Variants in GNG7 observed in about 807,000 individuals in gnomAD.
GNG7 encodes the protein guanine nucleotide-binding protein G(I)/G(S)/G(O) subunit gamma-7.
GNG7 carries 1 observed loss-of-function variant against 4.0 expected under a neutral mutation model. The observed-to-expected ratio is 0.25, with a 90% CI of 0.09 to 1.18. GNG7 has a LOEUF of 1.18. Among genes scored for constraint, GNG7 ranks in the 50% most tolerant of loss-of-function variants. The probability of loss-of-function intolerance (pLI) is 0.50; values close to 1 mark genes in which losing one functional copy is unlikely to be tolerated. For synonymous variants in GNG7, 34 were observed against 36.9 expected, an observed-to-expected ratio of 0.92 and a Z score of 0.29; for missense variants, 86 against 91.9, an observed-to-expected ratio of 0.94 and a Z score of 0.26.
chr19:2,575,049 CTCTT>C (rs1182990331), intron 2 of GNG7, among the ~76,000 whole-genome samples: 2 of 151,542 alleles, frequency 1.3e-5, no homozygotes, highest in African/African-American at 2.4e-5. Context: ...GTTGGAATCT[CTCTT>C]TCTTTTTTCT....
intron 3 of GNG7, among the ~76,000 whole-genome samples, chr19:2,549,237 C>G (rs1318193069): frequency 6.6e-6 from 1 of 151,930 alleles, no homozygotes; most frequent in Non-Finnish European, 1.5e-5. Context: ...GCAAAAATGG[C>G]AGCCGTGGGG....
At chr19:2,536,769 C>T (rs1978749667) in intron 3 of GNG7, among the ~76,000 whole-genome samples, 1 of 152,032 alleles carries the variant, frequency 6.6e-6, no homozygotes. Flanking sequence ...AGCGGTTTCC[C>T]CTGTGCTCCA....
intron 3 of GNG7, among the ~76,000 whole-genome samples, chr19:2,533,715 C>T (rs1450435463): frequency 1.3e-5 from 2 of 152,154 alleles, no homozygotes; most frequent in Admixed American, 6.6e-5. Flanking sequence ...CAGACTTTCT[C>T]ACCAACAGAC....
At chr19:2,548,851 A>C (rs562101437) in intron 3 of GNG7, among the ~76,000 whole-genome samples, 6 of 152,004 alleles carry the variant, frequency 3.9e-5, no homozygotes, top group African/African-American at 1.4e-4. Context: ...GAATAATCTG[A>C]CCCTAATGTC....
chr19:2,557,547 G>A lies in GNG7; in HGVS notation c.-77-2359C>T, dbSNP rs1196175491. ...AGAGGCTCCGCCTGGCCGGGTCAGC[G>A]AATGGAGTTGTAGCACCGTTTCAGG... On this transcript the variant is annotated intron_variant, in intron 2 of 4. Coordinates refer to ENST00000382159, the MANE Select transcript of GNG7 (RefSeq NM_052847.3). The surrounding 1 kb of genome is among the most constrained non-coding windows in gnomAD (Gnocchi z 5.1). Among the ~76,000 whole-genome samples the A allele has an allele frequency of 6.6e-6, 1 of 152,214 alleles. No individual in the cohort carries two copies.
At chr19:2,623,244 T>G (rs1981929953) in intron 2 of GNG7, among the ~76,000 whole-genome samples, 1 of 152,068 alleles carries the variant, frequency 6.6e-6, no homozygotes, top group Non-Finnish European at 1.5e-5. Context: ...CGCTTGAGCA[T>G]GGGCATTTGA....
In GNG7 at chr19:2,512,485, G is replaced by T; in HGVS notation, c.*2537C>A. 2.0e-6 allele frequency: 1 copy of T among 500,122 alleles called. No individual in the cohort carries two copies. Among genetic ancestry groups the T allele is most frequent in the Non-Finnish European group, 2.6e-6 (1 of 386,514 alleles). 31.0% of individuals were successfully genotyped at this position (500,122 alleles called of 1,614,324 possible). ...GACAGCTCAGGGAACCCAAGGCCCT[G>T]TGGACAGTGAAGGAGAGGCCAGCCT... On this transcript the variant is annotated 3_prime_UTR_variant, in exon 5 of 5. Transcript: ENST00000382159. This position sits in a 1 kb window ranked among gnomAD's most constrained non-coding sequence, Gnocchi z 4.7.
chr19:2,573,757 C>T (rs1197817659), intron 2 of GNG7, among the ~76,000 whole-genome samples: 5 of 152,114 alleles, frequency 3.3e-5, no homozygotes, highest in African/African-American at 9.7e-5. Flanking sequence ...GCAGGAGAAT[C>T]GCTTGAACCT....
chr19:2,570,861 A>G (rs1262739229), intron 2 of GNG7, among the ~76,000 whole-genome samples: 1 of 152,122 alleles, frequency 6.6e-6, no homozygotes, highest in Non-Finnish European at 1.5e-5. Context: ...ACAGTGGTGC[A>G]ATCACAGCTC....
chr19:2,563,518 C>T (rs540556530), intron 2 of GNG7, among the ~76,000 whole-genome samples: 375 of 152,134 alleles, frequency 2.5e-3, no homozygotes, highest in African/African-American at 4.2e-3. Context: ...TCATTTCTGT[C>T]GCCCAGGCTG....
At position 2,557,065 on chromosome 19, in the gene GNG7, A is replaced by G. The variant is rs917329717; in HGVS notation, c.-77-1877T>C. Among the ~76,000 whole-genome samples, 3 of 93,198 alleles carry G rather than the reference A, an allele frequency of 3.2e-5. No individual in the cohort carries two copies. Among genetic ancestry groups the G allele is most frequent in the South Asian group, 3.6e-4 (1 of 2,806 alleles). The allele number at this position is 93,198 out of a possible 152,430, so 61.1% of individuals were successfully genotyped here. A position where few individuals can be genotyped will look rare whatever the true frequency, so the allele number is the denominator to read the frequency against. ...CGCACACTCACACACATATGCACGC[A>G]CACAGACACACGCACACACGTGCAC... On this transcript the variant is annotated intron_variant, in intron 2 of 4. Transcript: ENST00000382159. The surrounding 1 kb of genome is among the most constrained non-coding windows in gnomAD (Gnocchi z 5.1).
chr19:2,683,352 A>G (rs1275289799), intron 1 of GNG7: 1 of 151,634 alleles, frequency 6.6e-6, no homozygotes, highest in Admixed American at 6.6e-5. Context: ...TCGGCTCCCA[A>G]AATGCTGGGA....
chr19:2,656,696 T>C (rs544769716), intron 1 of GNG7, among the ~76,000 whole-genome samples: 95 of 152,292 alleles, frequency 6.2e-4, no homozygotes, highest in South Asian at 2.3e-3. Context: ...TAAAGTTTTA[T>C]TGGCACACAG....
At chr19:2,568,162 T>C (rs112400427) in intron 2 of GNG7, among the ~76,000 whole-genome samples, 188 of 127,706 alleles carry the variant, frequency 1.5e-3, no homozygotes, top group African/African-American at 6.8e-3. Flanking sequence ...CACATACACA[T>C]ACATACACAC....
chr19:2,623,077 G>C (rs140095989), intron 2 of GNG7, among the ~76,000 whole-genome samples: 105 of 152,334 alleles, frequency 6.9e-4, no homozygotes, highest in African/African-American at 2.4e-3. Flanking sequence ...GAGGCAAAAA[G>C]GTGACCACAG....
intron 2 of GNG7, among the ~76,000 whole-genome samples, chr19:2,569,132 C>T (rs183523936): frequency 4.6e-5 from 7 of 152,082 alleles, no homozygotes; most frequent in Admixed American, 2.0e-4. Flanking sequence ...CCCACAGGTG[C>T]GCGCACACAC....
At chr19:2,581,458 C>G (rs964241610) in intron 2 of GNG7, among the ~76,000 whole-genome samples, 1 of 152,054 alleles carries the variant, frequency 6.6e-6, no homozygotes, top group African/African-American at 2.4e-5. Context: ...GGGGTGAGAA[C>G]AGGTCTGAGG....
At chr19:2,568,350 C>A (rs955596029) in intron 2 of GNG7, among the ~76,000 whole-genome samples, 7 of 138,278 alleles carry the variant, frequency 5.1e-5, no homozygotes, top group African/African-American at 1.7e-4. Flanking sequence ...GACATACATA[C>A]ACACACGTGC....
intron 3 of GNG7, among the ~76,000 whole-genome samples, chr19:2,552,423 T>G (rs193281470): frequency 1.3e-5 from 2 of 151,248 alleles, no homozygotes; most frequent in Admixed American, 6.6e-5. Flanking sequence ...CTCGCTCTGT[T>G]GCCGAGGCTG....
Sources: gnomAD v4.1 joint callset for allele counts (sites outside exome capture counted in the v4.1 genomes callset) on GRCh38, gnomAD v4.1.1 for gene constraint, Gnocchi (gnomAD v3.1) non-coding constraint, MANE v1.5 for transcripts, NCBI Gene and HGNC (gene_info 2026-07-23, HGNC 2026-07-21) for gene names.